The following KTN1 variants were observed in gnomAD, a reference collection of about 807,000 sequenced individuals.
KTN1 encodes the protein kinectin.
Under a neutral mutation model 222.5 loss-of-function variants are expected in KTN1, and 130 were observed. The ratio of observed to expected loss-of-function variants is 0.58; its 90% CI spans 0.51 to 0.68. The LOEUF (loss-of-function observed/expected upper bound fraction) is 0.68, where lower values mean the gene tolerates loss of function less well. Among genes scored for constraint, KTN1 ranks in the 30% least tolerant of loss-of-function variants. The pLI is 0.00. For missense variants in KTN1, 1,508 were observed against 1,500.4 expected (o/e 1.01, Z -0.08); for synonymous variants, 512 against 496.3 (o/e 1.03, Z -0.42).
rs757271631 is a variant in KTN1 at position 55,633,226 on chromosome 14, T to C, written c.1222-9T>C. On this transcript the variant is annotated splice_polypyrimidine_tract_variant and intron_variant, in intron 7 of 43. Transcript: ENST00000395314. Reference sequence around the variant, plus strand: ...TTTTCTAAGTTTTATGTGTGTAAAATAATTTTAGTTTCAGCAAGTTCGTGA... The same window carrying C: ...TTTTCTAAGTTTTATGTGTGTAAAACAATTTTAGTTTCAGCAAGTTCGTGA... 6 of 1,539,112 alleles carry C rather than the reference T, an allele frequency of 3.9e-6. No individual in the cohort carries two copies. The highest frequency in any genetic ancestry group is 1.4e-5 in the African/African-American group (1 of 72,156).
At chr14:55,623,469 T>C (rs1407532831) in intron 5 of KTN1, among the ~76,000 whole-genome samples, 1 of 152,248 alleles carries the variant, frequency 6.6e-6, no homozygotes, top group African/African-American at 2.4e-5. Context: ...AGCCTTCAAC[T>C]CTCGGGCTCA....
rs769733160 is a variant in KTN1 at position 55,652,818 on chromosome 14, T to G, written c.2604-32T>G. 6.1e-6 allele frequency: 9 copies of G among 1,476,442 alleles called. No homozygotes were observed. The East Asian group carries it at 1.8e-4, about 30-fold the overall frequency. The allele number at this position is 1,476,442 out of a possible 1,614,324, so 91.5% of individuals were successfully genotyped here. A position where few individuals can be genotyped will look rare whatever the true frequency, so the allele number is the denominator to read the frequency against. On this transcript the variant is annotated intron_variant, in intron 25 of 43. Coordinates refer to ENST00000395314, the MANE Select transcript of KTN1 (RefSeq NM_001079521.2). ...TTGCTTTTTATGGTCATGTAACATT[T>G]TCATTTAGAGTTCTGATTAATTTAT... is the stretch of plus-strand genomic sequence containing the variant.
At chr14:55,601,571 G>T (rs942556368) in intron 1 of KTN1, among the ~76,000 whole-genome samples, 7 of 152,070 alleles carry the variant, frequency 4.6e-5, no homozygotes, top group African/African-American at 1.7e-4. Flanking sequence ...TCAGGAAATG[G>T]TTAATGCTTT....
intron 12 of KTN1, 107 bp downstream of exon 12, chr14:55,637,954 T>C (rs561683100): frequency 1.3e-6 from 1 of 746,774 alleles, no homozygotes; most frequent in African/African-American, 1.7e-5. Flanking sequence ...GGGAGACTAG[T>C]CAATGAATCA....
intron 43 of KTN1, chr14:55,683,166 A>G (rs1180353780): frequency 1.3e-5 from 2 of 152,174 alleles, no homozygotes; most frequent in Admixed American, 6.5e-5. Context: ...CTGTGTTTAC[A>G]TAGCACTTTA....
chr14:55,652,067 G>A lies in KTN1; in HGVS notation c.2603+140G>A, dbSNP rs868439790. 11 of 588,252 alleles carry A rather than the reference G, an allele frequency of 1.9e-5. 1 individual carries two copies. In the Middle Eastern group the frequency reaches 1.9e-3, roughly 101 times the overall value. 36.4% of individuals were successfully genotyped at this position (588,252 alleles called of 1,614,324 possible). A position where few individuals can be genotyped will look rare whatever the true frequency, so the allele number is the denominator to read the frequency against. ...ACTGATTATCTCAAAACTCCTAAGGGCCCTAAGTTTCTTATTTGGCTTTAA... is the reference window on the plus strand; with the variant it reads ...ACTGATTATCTCAAAACTCCTAAGGACCCTAAGTTTCTTATTTGGCTTTAA... On this transcript the variant is annotated intron_variant, in intron 25 of 43. Transcript: ENST00000395314.
chr14:55,638,965 A>G (rs1198184787), intron 12 of KTN1, among the ~76,000 whole-genome samples: 1 of 151,790 alleles, frequency 6.6e-6, no homozygotes, highest in Non-Finnish European at 1.5e-5. Context: ...TTTTATTCTA[A>G]ATGTCTTGTG....
intron 1 of KTN1, among the ~76,000 whole-genome samples, chr14:55,606,300 A>G (rs1181382007): frequency 6.6e-6 from 1 of 152,120 alleles, no homozygotes; most frequent in Non-Finnish European, 1.5e-5. Flanking sequence ...GAAATTATGC[A>G]TTCCTGTGTT....
chr14:55,652,393 CTTTTTTT>C lies in KTN1; in HGVS notation c.2604-440_2604-434del, dbSNP rs769501863. 1.3e-3 allele frequency among the ~76,000 whole-genome samples: 147 copies of C among 117,408 alleles called. 2 individuals are homozygous for C. In the East Asian group the frequency reaches 0.013, roughly 10 times the overall value. The allele number at this position is 117,408 out of a possible 152,430, so 77.0% of individuals were successfully genotyped here. A position where few individuals can be genotyped will look rare whatever the true frequency, so the allele number is the denominator to read the frequency against. On this transcript the variant is annotated intron_variant, in intron 25 of 43. Transcript: ENST00000395314. The stretch of plus-strand genomic sequence containing the variant: ...TGATTGTCTCCAAAATCTTAAATGC[CTTTTTTT>C]TTTTTTTTTTTTTTTTGAGATGGAA...
intron 34 of KTN1, among the ~76,000 whole-genome samples, chr14:55,669,111 T>G (rs1263846590): frequency 6.6e-6 from 1 of 152,066 alleles, no homozygotes; most frequent in Non-Finnish European, 1.5e-5. Flanking sequence ...CTACTTTATA[T>G]TTATGGAAAT....
chr14:55,585,472 TTAAAA>T (rs1157567037), intron 1 of KTN1, among the ~76,000 whole-genome samples: 5 of 152,264 alleles, frequency 3.3e-5, no homozygotes, highest in African/African-American at 4.8e-5. Context: ...ATTTCTTTTC[TTAAAA>T]TAAAGGTTAT....
intron 6 of KTN1, among the ~76,000 whole-genome samples, chr14:55,629,248 C>T (rs1233280648): frequency 6.6e-6 from 1 of 151,768 alleles, no homozygotes; most frequent in South Asian, 2.1e-4. Context: ...AACCCCGTCT[C>T]TAATAAAAAT....
intron 23 of KTN1, 37 bp downstream of exon 23, chr14:55,650,455 T>G (rs1272481816): frequency 4.5e-6 from 7 of 1,542,262 alleles, no homozygotes; most frequent in Admixed American, 1.8e-5. Flanking sequence ...TATGTTTTTG[T>G]TTATCAACTT....
chr14:55,679,534 G>T (rs748369262), intron 42 of KTN1, 31 bp from the exon 43 acceptor site: 1 of 1,570,354 alleles, frequency 6.4e-7, no homozygotes, highest in Non-Finnish European at 8.7e-7. Context: ...CTTGTGTATG[G>T]AGTTTATCAT....
At chr14:55,594,352 A>G (rs1256789300) in intron 1 of KTN1, among the ~76,000 whole-genome samples, 1 of 151,984 alleles carries the variant, frequency 6.6e-6, no homozygotes, top group Non-Finnish European at 1.5e-5. Context: ...ATCTGATATT[A>G]GCATCACACT....
At chr14:55,670,582 C>G (rs2045352147) in intron 34 of KTN1, 147 bp from the exon 35 acceptor site, 1 of 545,250 alleles carries the variant, frequency 1.8e-6, no homozygotes, top group South Asian at 2.9e-5. Context: ...TAGTTACATT[C>G]CTCTTTGAAA....
rs1186952557 is a variant in KTN1, at chr14:55,648,112, G to A, written c.2295G>A (p.Leu765=). ...AGGTGGCAACTAAAGAAGAGGAGCT[G>A]AATGTAAAGCATTTTGTAGTTTTGT... The part of the protein sequence containing the change: ...LIQVATKEEE[L]NAIRTENSSL... Residue 765 remains leucine (L), a synonymous_variant, in exon 20 of 44, where the codon CTG becomes CTA. Coordinates refer to ENST00000395314, the MANE Select transcript of KTN1 (RefSeq NM_001079521.2). The A allele has an allele frequency of 1.3e-6, 2 of 1,503,146 alleles. No individual in the cohort carries two copies. Among genetic ancestry groups the A allele is most frequent in the South Asian group, 2.5e-5 (2 of 81,458 alleles). 93.1% of individuals were successfully genotyped at this position (1,503,146 alleles called of 1,614,324 possible).
At chr14:55,585,619 G>C (rs952776970) in intron 1 of KTN1, among the ~76,000 whole-genome samples, 1 of 152,166 alleles carries the variant, frequency 6.6e-6, no homozygotes, top group Admixed American at 6.5e-5. Context: ...GATTTTTCCA[G>C]TTATTCATCA....
chr14:55,599,706 G>T (rs1315665392), intron 1 of KTN1, among the ~76,000 whole-genome samples: 1 of 152,094 alleles, frequency 6.6e-6, no homozygotes, highest in Non-Finnish European at 1.5e-5. Context: ...CGGAACTCCT[G>T]ACCTCAGGTG....
Sources: gnomAD v4.1 joint callset for allele counts (sites outside exome capture counted in the v4.1 genomes callset) on GRCh38, gnomAD v4.1.1 for gene constraint, MANE v1.5 for transcripts, NCBI Gene and HGNC (gene_info 2026-07-23, HGNC 2026-07-21) for gene names.